GPD1: variants seen among roughly 807,000 people sequenced by gnomAD.
GPD1 encodes the protein glycerol-3-phosphate dehydrogenase [NAD(+)], cytoplasmic.
In GPD1, 19 loss-of-function variants were observed where a neutral mutation model predicts 34.4. The ratio of observed to expected loss-of-function variants is 0.55; its 90% CI spans 0.39 to 0.81. The LOEUF (loss-of-function observed/expected upper bound fraction) is 0.81. Among genes scored for constraint, GPD1 ranks in the 30% least tolerant of loss-of-function variants. The pLI is 0.00. For synonymous variants in GPD1, 172 were observed against 174.1 expected (o/e 0.99, Z 0.09); for missense variants, 429 against 447.0 (o/e 0.96, Z 0.36).
chr12:50,104,482 G>A (rs1162859892), intron 1 of GPD1, 92 bp from the exon 2 acceptor site: 2 of 961,358 alleles, frequency 2.1e-6, no homozygotes, highest in Admixed American at 3.4e-5. Flanking sequence ...AACAGCCTGG[G>A]GGGCTGCTGT....
At position 50,105,529 on chromosome 12, in the gene GPD1, C is replaced by T; in HGVS notation, c.220-19C>T. ...AGGGGAGGTCTGCCAGGCCCGCGAG[C>T]ACTTGGTCACCCCCACAGGTGGCTG... On this transcript the variant is annotated intron_variant, in intron 2 of 7. Transcript: ENST00000301149. The T allele has an allele frequency of 6.2e-7, 1 of 1,606,340 alleles. No individual in the cohort carries two copies. Among genetic ancestry groups the T allele is most frequent in the Admixed American group, 1.7e-5 (1 of 59,850 alleles).
At position 50,109,698 on chromosome 12, in the gene GPD1, C is replaced by T; in HGVS notation, c.*179C>T. 1 of 573,106 alleles carries T rather than the reference C, an allele frequency of 1.7e-6. No homozygotes were observed. Among genetic ancestry groups the T allele is most frequent in the Non-Finnish European group, 3.1e-6 (1 of 318,692 alleles). 35.5% of individuals were successfully genotyped at this position (573,106 alleles called of 1,614,324 possible). A position where few individuals can be genotyped will look rare whatever the true frequency, so the allele number is the denominator to read the frequency against. The stretch of plus-strand genomic sequence containing the variant: ...CACCTGGAGATCCTGAACTGTCAAG[C>T]CACTGGCAGCCTCATGCCACCACAT... On this transcript the variant is annotated 3_prime_UTR_variant, in exon 8 of 8. Transcript: ENST00000301149.
chr12:50,106,339 G>C lies in GPD1; in HGVS notation c.412G>C (p.Glu138Gln). ...GAAGCTCATCTCGGAAGTGATTGGG[G>C]AGCGCCTCGGCATCCCCATGAGTGT... is the stretch of plus-strand genomic sequence containing the variant. The part of the protein sequence containing the change: ...GLKLISEVIG[E>Q]RLGIPMSVLM... The change falls in exon 4 of 8, where the codon GAG becomes CAG. Residue 138 changes from glutamate to glutamine, a missense_variant. Coordinates refer to ENST00000301149, the MANE Select transcript of GPD1 (RefSeq NM_005276.4). The C allele has an allele frequency of 6.2e-7, 1 of 1,613,646 alleles. No individual in the cohort carries two copies. The highest frequency in any genetic ancestry group is 2.2e-5 in the East Asian group (1 of 44,864).
rs1248298652 is a variant in GPD1, at chr12:50,110,678, C to T, written c.*1159C>T. The stretch of plus-strand genomic sequence containing the variant: ...GGGCACCAATATTCCAAGGGCAGCT[C>T]TCTTTGCTGAATGAGGGCCTTCTCG... On this transcript the variant is annotated 3_prime_UTR_variant, in exon 8 of 8. Coordinates refer to ENST00000301149, the MANE Select transcript of GPD1 (RefSeq NM_005276.4). The T allele has an allele frequency of 6.6e-6, 1 of 152,594 alleles. No individual in the cohort carries two copies. Among genetic ancestry groups the T allele is most frequent in the Non-Finnish European group, 1.5e-5 (1 of 68,076 alleles). 9.5% of individuals were successfully genotyped at this position (152,594 alleles called of 1,614,324 possible). A position where few individuals can be genotyped will look rare whatever the true frequency, so the allele number is the denominator to read the frequency against.
chr12:50,110,443 T>A lies in GPD1; in HGVS notation c.*924T>A, dbSNP rs73123516. The A allele has an allele frequency of 1.0e-3, 157 of 152,912 alleles. No homozygotes were observed. The highest frequency in any genetic ancestry group is 1.8e-3 in the Non-Finnish European group (124 of 68,278). 9.5% of individuals were successfully genotyped at this position (152,912 alleles called of 1,614,324 possible). On this transcript the variant is annotated 3_prime_UTR_variant, in exon 8 of 8. Coordinates refer to ENST00000301149, the MANE Select transcript of GPD1 (RefSeq NM_005276.4). ...TCTCAGTAGCTCTAGCTGGGGGAGGTGTCAGCTGGGCCCCTCCTGTGCTAT... is the reference window on the plus strand; with the variant it reads ...TCTCAGTAGCTCTAGCTGGGGGAGGAGTCAGCTGGGCCCCTCCTGTGCTAT...
At chr12:50,104,173 G>C in intron 1 of GPD1, 82 bp downstream of exon 1, 2 of 1,294,990 alleles carry the variant, frequency 1.5e-6, no homozygotes, top group Non-Finnish European at 2.3e-6. Flanking sequence ...GGGTGGGAAA[G>C]GCCCTCAGGT....
At chr12:50,104,116 G>A in intron 1 of GPD1, 25 bp downstream of exon 1, 2 of 1,611,068 alleles carry the variant, frequency 1.2e-6, no homozygotes, top group Non-Finnish European at 1.7e-6. Flanking sequence ...CAAGTGATAT[G>A]GGGGAAGGGT....
In GPD1 at chr12:50,105,673, C is replaced by T; in HGVS notation, c.345C>T (p.Gly115=). Residue 115 remains glycine (G), a synonymous_variant, in exon 3 of 8, where the codon GGC becomes GGT. Transcript: ENST00000301149. ...LKGHLKANAT[G]ISLIKGVDEG... ...GCCATCTGAAGGCAAACGCCACTGG[C>T]ATATCTCTTATTAAGGTGCCAGGGA... The T allele has an allele frequency of 6.2e-7, 1 of 1,614,128 alleles. No individual in the cohort carries two copies. The highest frequency in any genetic ancestry group is 8.5e-7 in the Non-Finnish European group (1 of 1,179,988).
rs573605681 is a variant in GPD1, at chr12:50,107,293, G to A, written c.613-274G>A. ...GGATCCTGGACAGCTGTTGACTTGA[G>A]GGCTGTACAATGGAATGGTCATAGA... On this transcript the variant is annotated intron_variant, in intron 5 of 7. Transcript: ENST00000301149. The A allele has an allele frequency of 1.4e-3, 947 of 662,324 alleles. 17 individuals carry two copies. The highest frequency in any genetic ancestry group is 0.014 in the South Asian group (924 of 66,430). The allele number at this position is 662,324 out of a possible 1,614,324, so 41.0% of individuals were successfully genotyped here. A position where few individuals can be genotyped will look rare whatever the true frequency, so the allele number is the denominator to read the frequency against.
In GPD1 at chr12:50,108,043, A is replaced by G; in HGVS notation, c.866A>G (p.Lys289Arg). 6.2e-7 allele frequency: 1 copy of G among 1,611,614 alleles called. No homozygotes were observed. Among genetic ancestry groups the G allele is most frequent in the Non-Finnish European group, 8.5e-7 (1 of 1,178,076 alleles). ...RTGKSIEQLEKELLNGQKLQG... is the reference protein window; with the variant it reads ...RTGKSIEQLERELLNGQKLQG... ...GCACAGTCCATTGAGCAGCTGGAGA[A>G]AGAGTTGCTGAATGGGCAGAAACTG... The change falls in exon 7 of 8, where the codon AAA becomes AGA. Residue 289 changes from lysine to arginine, a missense_variant. Coordinates refer to ENST00000301149, the MANE Select transcript of GPD1 (RefSeq NM_005276.4).
rs1950966351 is a variant in GPD1, at chr12:50,104,707, G to A, written c.175G>A (p.Glu59Lys). Residue 59 changes from glutamate to lysine, a missense_variant, in exon 2 of 8, where the codon GAG (glutamate) becomes AAG (lysine). Physicochemically the swap from Glu to Lys is moderately conservative, Grantham distance 56. Transcript: ENST00000301149. ...KLTEIINTQH[E>K]NVKYLPGHKL... Reference sequence around the variant, plus strand: ...GACTGAGATCATCAACACGCAGCATGAGAATGTCAAATACCTGCCAGGGCA... The same window carrying A: ...GACTGAGATCATCAACACGCAGCATAAGAATGTCAAATACCTGCCAGGGCA... The A allele has an allele frequency of 2.5e-6, 4 of 1,614,116 alleles. No individual in the cohort carries two copies. Among genetic ancestry groups the A allele is most frequent in the Non-Finnish European group, 3.4e-6 (4 of 1,180,038 alleles).
chr12:50,105,340 A>G, intron 2 of GPD1: 1 of 595,908 alleles, frequency 1.7e-6, no homozygotes, highest in Non-Finnish European at 3.0e-6. Flanking sequence ...TCAAGAGCCC[A>G]GGACAGCTGG....
chr12:50,104,109 G>A lies in GPD1; in HGVS notation c.41+18G>A. 1.2e-6 allele frequency: 2 copies of A among 1,612,738 alleles called. No homozygotes were observed. On this transcript the variant is annotated intron_variant, in intron 1 of 7. Transcript: ENST00000301149. ...GGGAACTGGTAAGCAGCTCTGTCAA[G>A]TGATATGGGGGAAGGGTAGGCCCCC...
At chr12:50,108,214 C>T in intron 7 of GPD1, 84 bp downstream of exon 7, 2 of 779,866 alleles carry the variant, frequency 2.6e-6, no homozygotes, top group Non-Finnish European at 4.5e-6. Flanking sequence ...AAACCTGCCA[C>T]AAATCTGTGA....
chr12:50,107,545 C>T, intron 5 of GPD1, 22 bp from the exon 6 acceptor site: 1 of 1,589,698 alleles, frequency 6.3e-7, no homozygotes, highest in Non-Finnish European at 8.6e-7. Context: ...CTTTTCTCAC[C>T]TATGACCTCC....
chr12:50,104,365 C>T, intron 1 of GPD1: 1 of 707,794 alleles, frequency 1.4e-6, no homozygotes, highest in South Asian at 1.5e-5. Flanking sequence ...GTGGGGCTCC[C>T]TTCTCTAGTA....
intron 5 of GPD1, 175 bp downstream of exon 5, chr12:50,107,092 G>A (rs1235538302): frequency 1.4e-6 from 1 of 699,978 alleles, no homozygotes; most frequent in Non-Finnish European, 2.6e-6. Context: ...GGCCATTCAG[G>A]CCGGCTGATT....
chr12:50,106,687 G>A (rs1341975743), intron 4 of GPD1, 118 bp from the exon 5 acceptor site: 4 of 685,502 alleles, frequency 5.8e-6, no homozygotes, highest in East Asian at 2.7e-5. Flanking sequence ...TGGGAGGATC[G>A]CTTAAGCCCA....
chr12:50,104,697 C>A lies in GPD1; in HGVS notation c.165C>A (p.Asn55Lys), dbSNP rs763218199. Reference protein sequence around the residue: ...IGGKKLTEIINTQHENVKYLP... With the variant: ...IGGKKLTEIIKTQHENVKYLP... The stretch of plus-strand genomic sequence containing the variant: ...GCAAAAAGCTGACTGAGATCATCAA[C>A]ACGCAGCATGAGAATGTCAAATACC... Residue 55 changes from asparagine to lysine, a missense_variant, in exon 2 of 8, where the codon AAC becomes AAA. Coordinates refer to ENST00000301149, the MANE Select transcript of GPD1 (RefSeq NM_005276.4). 1 of 1,614,162 alleles carries A rather than the reference C, an allele frequency of 6.2e-7. No homozygotes were observed. The highest frequency in any genetic ancestry group is 8.5e-7 in the Non-Finnish European group (1 of 1,179,974).
Sources: allele counts gnomAD v4.1 joint callset, GRCh38; gene constraint gnomAD v4.1.1; transcripts MANE v1.5; gene names NCBI Gene and HGNC (gene_info 2026-07-23, HGNC 2026-07-21).